The following SIRPB1 variants were observed in gnomAD, a reference collection of about 807,000 sequenced individuals.
SIRPB1 encodes signal regulatory protein beta 1.
SIRPB1 carries 28 observed loss-of-function variants against 34.1 expected under a neutral mutation model. The ratio of observed to expected loss-of-function variants is 0.82; its 90% CI spans 0.61 to 1.12. The LOEUF is 1.12. Among genes scored for constraint, SIRPB1 ranks in the 50% most tolerant of loss-of-function variants. The probability of loss-of-function intolerance (pLI) is 0.00; values close to 1 mark genes in which losing one functional copy is unlikely to be tolerated. For missense variants in SIRPB1, 499 were observed against 507.0 expected (o/e 0.98, Z 0.15); for synonymous variants, 211 against 203.8 (o/e 1.04, Z -0.30).
rs1009992288 is a variant in SIRPB1, at chr20:1,562,478, C to A, written c.*3022G>T. Reference sequence around the variant, plus strand: ...CACGATATAACTGACATTCCATTTGCGTAACATAGATAAATACAGGCAGTT... The same window carrying A: ...CACGATATAACTGACATTCCATTTGAGTAACATAGATAAATACAGGCAGTT... On this transcript the variant is annotated 3_prime_UTR_variant, in exon 6 of 6. Coordinates refer to ENST00000381605, the MANE Select transcript of SIRPB1 (RefSeq NM_006065.5). 1.3e-5 allele frequency among the ~76,000 whole-genome samples: 2 copies of A among 151,190 alleles called. No individual in the cohort carries two copies. The highest frequency in any genetic ancestry group is 2.9e-5 in the Non-Finnish European group (2 of 67,868).
chr20:1,572,625 T>G (rs1438997675), intron 2 of SIRPB1, among the ~76,000 whole-genome samples: 1 of 152,032 alleles, frequency 6.6e-6, no homozygotes, highest in Non-Finnish European at 1.5e-5. Flanking sequence ...CAGAAGATGC[T>G]TCCCCCAAAA....
rs2091559223 is a variant in SIRPB1, at chr20:1,611,282, C to T, written c.76+8587G>A. On this transcript the variant is annotated intron_variant, in intron 1 of 5. Transcript: ENST00000381605. ...CAGCCACCACCACACCTGACTGTTG[C>T]TCTAAGAATGGATAATGTAATTATT... 5.7e-6 allele frequency: 4 copies of T among 706,002 alleles called. No individual in the cohort carries two copies. In the Admixed American group the frequency reaches 1.1e-4, roughly 20 times the overall value. 43.7% of individuals were successfully genotyped at this position (706,002 alleles called of 1,614,324 possible). A position where few individuals can be genotyped will look rare whatever the true frequency, so the allele number is the denominator to read the frequency against.
rs1312378864 is a variant in SIRPB1 at position 1,611,013 on chromosome 20, G to A, written c.76+8856C>T. 5.5e-5 allele frequency among the ~76,000 whole-genome samples: 4 copies of A among 72,626 alleles called. 2 individuals carry two copies. The highest frequency in any genetic ancestry group is 1.0e-4 in the Non-Finnish European group (4 of 38,678). The allele number at this position is 72,626 out of a possible 152,430, so 47.6% of individuals were successfully genotyped here. A position where few individuals can be genotyped will look rare whatever the true frequency, so the allele number is the denominator to read the frequency against. ...CCCTGAGGGGGAAGCGTTCTCTGGA[G>A]GCAGAAGGCAAGGTCCAGCCCTGTG... is the stretch of plus-strand genomic sequence containing the variant. On this transcript the variant is annotated intron_variant, in intron 1 of 5. Transcript: ENST00000381605.
chr20:1,562,591 G>A lies in SIRPB1; in HGVS notation c.*2909C>T, dbSNP rs140947850. Among the ~76,000 whole-genome samples the A allele has an allele frequency of 4.6e-5, 7 of 152,244 alleles. No homozygotes were observed. Among genetic ancestry groups the A allele is most frequent in the South Asian group, 2.1e-4 (1 of 4,820 alleles). On this transcript the variant is annotated 3_prime_UTR_variant, in exon 6 of 6. Transcript: ENST00000381605. ...CCACAACACAAGTCTCAAAATTTAG[G>A]TGCCATAGTAAATTTAATGTAATTT...
intron 1 of SIRPB1, among the ~76,000 whole-genome samples, chr20:1,617,942 C>T (rs1426285735): frequency 6.6e-6 from 1 of 151,942 alleles, no homozygotes; most frequent in Non-Finnish European, 1.5e-5. Context: ...TATGTATACA[C>T]ACATATGTAT....
In SIRPB1 at chr20:1,566,231, G is replaced by T; in HGVS notation, c.1121C>A (p.Ala374Asp). The change falls in exon 5 of 6, where the codon GCT (alanine) becomes GAT (aspartate). Residue 374 changes from alanine (A) to aspartate (D), a missense_variant. Coordinates refer to ENST00000381605, the MANE Select transcript of SIRPB1 (RefSeq NM_006065.5). Reference sequence around the variant, plus strand: ...TAGCAGCTTGGGGCCCAGGAGGAGAGCTACGAGGAGTGGAGCAGTAGGAGC... The same window carrying T: ...TAGCAGCTTGGGGCCCAGGAGGAGATCTACGAGGAGTGGAGCAGTAGGAGC... The part of the protein sequence containing the change: ...ALAPTAPLLV[A>D]LLLGPKLLLV... 2.5e-6 allele frequency: 4 copies of T among 1,611,320 alleles called. No individual in the cohort carries two copies. In the South Asian group the frequency reaches 4.4e-5, roughly 18 times the overall value.
chr20:1,595,468 G>T lies in SIRPB1; in HGVS notation c.77-16774C>A. Among the ~76,000 whole-genome samples the T allele has an allele frequency of 1.4e-4, 7 of 48,852 alleles. 3 individuals carry two copies. The highest frequency in any genetic ancestry group is 2.8e-4 in the Non-Finnish European group (7 of 25,272). The allele number at this position is 48,852 out of a possible 152,430, so 32.0% of individuals were successfully genotyped here. On this transcript the variant is annotated intron_variant, in intron 1 of 5. Transcript: ENST00000381605. ...CCCACCTTGCCATGATGTCCCAGGA[G>T]GGAAGTTGCTGTGGGAGGAAGGGGC...
rs1228901593 is a variant in SIRPB1, at chr20:1,574,609, C to G, written c.434-2572G>C. On this transcript the variant is annotated intron_variant, in intron 2 of 5. Coordinates refer to ENST00000381605, the MANE Select transcript of SIRPB1 (RefSeq NM_006065.5). ...AAAGCCACTGGACTCCAACCCAAAC[C>G]CCATTTATACTTGGGGCCTAGAGAT... Among the ~76,000 whole-genome samples, 15 of 145,108 alleles carry G rather than the reference C, an allele frequency of 1.0e-4. 2 individuals are homozygous for G. The highest frequency in any genetic ancestry group is 1.0e-3 in the Admixed American group (15 of 14,570).
intron 4 of SIRPB1, 151 bp from the exon 5 acceptor site, chr20:1,566,418 C>T (rs577407547): frequency 4.3e-5 from 24 of 553,738 alleles, no homozygotes; most frequent in African/African-American, 1.3e-4. Flanking sequence ...TGACTCCAGC[C>T]GAAAGCAAAG....
intron 2 of SIRPB1, among the ~76,000 whole-genome samples, chr20:1,577,503 A>G (rs2091331650): frequency 6.8e-6 from 1 of 147,566 alleles, no homozygotes; most frequent in Non-Finnish European, 1.5e-5. Context: ...ACCCCACATA[A>G]GCATTGTTGC....
chr20:1,612,791 G>C lies in SIRPB1; in HGVS notation c.76+7078C>G, dbSNP rs112895874. Among the ~76,000 whole-genome samples the C allele has an allele frequency of 8.3e-5, 6 of 72,322 alleles. 3 individuals carry two copies. Among genetic ancestry groups the C allele is most frequent in the African/African-American group, 5.3e-4 (6 of 11,318 alleles). The allele number at this position is 72,322 out of a possible 152,430, so 47.4% of individuals were successfully genotyped here. A position where few individuals can be genotyped will look rare whatever the true frequency, so the allele number is the denominator to read the frequency against. On this transcript the variant is annotated intron_variant, in intron 1 of 5. Transcript: ENST00000381605. ...CAAATGTAACATTTTATAGTTCTGG[G>C]GGTTAGAAGTCCAAAATAGTGTTAC...
In SIRPB1 at chr20:1,598,744, G is replaced by T. The variant is rs555313503; in HGVS notation, c.77-20050C>A. 1.0e-4 allele frequency: 26 copies of T among 256,128 alleles called. 8 individuals carry two copies. The East Asian group carries it at 2.0e-3, about 20-fold the overall frequency. 15.9% of individuals were successfully genotyped at this position (256,128 alleles called of 1,614,324 possible). ...AACTCCACTGACCCTGATGCTGCATGATATGTGGGCTGGGCCCTCCTCCTG... is the reference window on the plus strand; with the variant it reads ...AACTCCACTGACCCTGATGCTGCATTATATGTGGGCTGGGCCCTCCTCCTG... On this transcript the variant is annotated intron_variant, in intron 1 of 5. Transcript: ENST00000381605.
At position 1,561,541 on chromosome 20, in the gene SIRPB1, T is replaced by C. The variant is rs1050145433; in HGVS notation, c.*3959A>G. Reference sequence around the variant, plus strand: ...CAGTTTTTTAGACTTTCCTTGATTTTGATGACCTTGACAGTTTTGAGGAGT... The same window carrying C: ...CAGTTTTTTAGACTTTCCTTGATTTCGATGACCTTGACAGTTTTGAGGAGT... On this transcript the variant is annotated 3_prime_UTR_variant, in exon 6 of 6. Coordinates refer to ENST00000381605, the MANE Select transcript of SIRPB1 (RefSeq NM_006065.5). 2.6e-4 allele frequency among the ~76,000 whole-genome samples: 39 copies of C among 152,238 alleles called. No homozygotes were observed. The highest frequency in any genetic ancestry group is 9.2e-4 in the African/African-American group (38 of 41,468).
At chr20:1,569,613 A>G (rs2091195459) in intron 4 of SIRPB1, among the ~76,000 whole-genome samples, 1 of 152,258 alleles carries the variant, frequency 6.6e-6, no homozygotes, top group Non-Finnish European at 1.5e-5. Context: ...GCACTGACCC[A>G]GGAGATGACG....
At position 1,561,801 on chromosome 20, in the gene SIRPB1, T is replaced by G. The variant is rs2091085231; in HGVS notation, c.*3699A>C. On this transcript the variant is annotated 3_prime_UTR_variant, in exon 6 of 6. Coordinates refer to ENST00000381605, the MANE Select transcript of SIRPB1 (RefSeq NM_006065.5). ...AGCTGTATTTGTCAGATTTTTCCAC[T>G]GTAAAGTTATTTTTTCTCCTTTTTT... Among the ~76,000 whole-genome samples the G allele has an allele frequency of 1.3e-5, 2 of 152,204 alleles. No homozygotes were observed. The highest frequency in any genetic ancestry group is 6.5e-5 in the Admixed American group (1 of 15,284).
Position 1,609,734 on chromosome 20 carries a change from G to C in SIRPB1, c.76+10135C>G, listed in dbSNP as rs1306094468. Among the ~76,000 whole-genome samples the C allele has an allele frequency of 2.7e-5, 2 of 72,854 alleles. 1 individual carries two copies. The highest frequency in any genetic ancestry group is 1.2e-3 in the East Asian group (2 of 1,716). The allele number at this position is 72,854 out of a possible 152,430, so 47.8% of individuals were successfully genotyped here. ...GGATCACCTGAGGTTGAGAGTTTGA[G>C]ACCAGCCTGAGCAACAAGGAGAAAC... On this transcript the variant is annotated intron_variant, in intron 1 of 5. Transcript: ENST00000381605.
intron 4 of SIRPB1, among the ~76,000 whole-genome samples, chr20:1,568,167 A>G (rs1450762361): frequency 1.3e-5 from 2 of 152,340 alleles, no homozygotes; most frequent in African/African-American, 4.8e-5. Flanking sequence ...CCAAGCCAAA[A>G]GAAGAAACAG....
chr20:1,617,093 A>T (rs1335367678), intron 1 of SIRPB1, among the ~76,000 whole-genome samples: 1 of 152,188 alleles, frequency 6.6e-6, no homozygotes, highest in Non-Finnish European at 1.5e-5. Flanking sequence ...AGTTAGTGGG[A>T]ATGTAAATTA....
rs1261171321 is a variant in SIRPB1, at chr20:1,593,003, GT to G, written c.77-14310del. Among the ~76,000 whole-genome samples the G allele has an allele frequency of 7.5e-4, 37 of 49,536 alleles. 15 individuals carry two copies. The highest frequency in any genetic ancestry group is 1.2e-3 in the Non-Finnish European group (31 of 25,596). The allele number at this position is 49,536 out of a possible 152,430, so 32.5% of individuals were successfully genotyped here. A position where few individuals can be genotyped will look rare whatever the true frequency, so the allele number is the denominator to read the frequency against. ...TAGATTATTTTCAGAAGCAAGTTTT[GT>G]TTCCACAGTATGAGTGAGCACGTTG... On this transcript the variant is annotated intron_variant, in intron 1 of 5. Transcript: ENST00000381605.
Sources: gnomAD v4.1 joint callset for allele counts (sites outside exome capture counted in the v4.1 genomes callset) on GRCh38, gnomAD v4.1.1 for gene constraint, MANE v1.5 for transcripts, NCBI Gene and HGNC (gene_info 2026-07-23, HGNC 2026-07-21) for gene names.